Variants in FAM193A observed in about 807,000 individuals in gnomAD.
FAM193A encodes the protein protein FAM193A.
FAM193A carries 22 observed loss-of-function variants against 126.5 expected under a neutral mutation model. The observed-to-expected ratio is 0.17, with a 90% confidence interval of 0.12 to 0.25. The LOEUF (loss-of-function observed/expected upper bound fraction) is 0.25. Among genes scored for constraint, FAM193A ranks in the 10% least tolerant of loss-of-function variants. The pLI, the probability that FAM193A is intolerant of heterozygous loss-of-function variation, is 1.00. For missense variants in FAM193A, 1,675 were observed against 1,672.8 expected, an observed-to-expected ratio of 1.00 and a Z score of -0.02; for synonymous variants, 761 against 646.8, an observed-to-expected ratio of 1.18 and a Z score of -2.68.
intron 20 of FAM193A, among the ~76,000 whole-genome samples, chr4:2,721,661 G>A (rs1720171076): frequency 6.6e-6 from 1 of 152,218 alleles, no homozygotes; most frequent in Admixed American, 6.5e-5. Context: ...GGAGGAAGGT[G>A]TGAAGCGACG....
At chr4:2,578,700 C>T (rs953768449) in intron 1 of FAM193A, among the ~76,000 whole-genome samples, 1 of 152,128 alleles carries the variant, frequency 6.6e-6, no homozygotes, top group East Asian at 1.9e-4. Flanking sequence ...CTTACCAATA[C>T]TATAAACATT....
intron 20 of FAM193A, among the ~76,000 whole-genome samples, chr4:2,727,948 A>AT (rs1446805112): frequency 6.6e-5 from 10 of 151,502 alleles, no homozygotes; most frequent in African/African-American, 2.4e-4. Context: ...AAATTATTTT[A>AT]TTTATTTTTT....
intron 3 of FAM193A, among the ~76,000 whole-genome samples, chr4:2,626,004 A>C (rs756134183): frequency 1.3e-5 from 2 of 152,114 alleles, no homozygotes; most frequent in African/African-American, 2.4e-5. Context: ...GATTACAGGC[A>C]TGAGCCACCA....
chr4:2,676,895 C>A (rs1714472862), intron 13 of FAM193A, among the ~76,000 whole-genome samples: 1 of 151,926 alleles, frequency 6.6e-6, no homozygotes, highest in African/African-American at 2.4e-5. Flanking sequence ...GAGCCGAGAT[C>A]ACGTCACTGC....
intron 19 of FAM193A, among the ~76,000 whole-genome samples, chr4:2,714,275 G>A (rs1031328048): frequency 1.3e-5 from 2 of 152,028 alleles, no homozygotes; most frequent in African/African-American, 4.8e-5. Context: ...TTTAAAAATC[G>A]AGACTCAGAA....
chr4:2,667,600 A>C (rs963814479), intron 12 of FAM193A, among the ~76,000 whole-genome samples: 3 of 152,146 alleles, frequency 2.0e-5, no homozygotes, highest in African/African-American at 7.2e-5. Flanking sequence ...TTTATTTGTT[A>C]GTATAGCCAC....
At chr4:2,727,107 A>T (rs1247335327) in intron 20 of FAM193A, among the ~76,000 whole-genome samples, 2 of 151,772 alleles carry the variant, frequency 1.3e-5, no homozygotes, top group African/African-American at 4.8e-5. Context: ...AAAAGTACAA[A>T]AATTAGCTGG....
intron 6 of FAM193A, among the ~76,000 whole-genome samples, chr4:2,642,731 T>C (rs1243127157): frequency 1.4e-5 from 2 of 146,936 alleles, no homozygotes; most frequent in East Asian, 3.9e-4. Context: ...AAAACTCCCA[T>C]CTTTTTTTTT....
chr4:2,627,594 T>TTTTTCTTC (rs1560494822), intron 4 of FAM193A, among the ~76,000 whole-genome samples: 10 of 148,470 alleles, frequency 6.7e-5, no homozygotes, highest in African/African-American at 1.7e-4. Flanking sequence ...TTTTTTTTTT[T>TTTTTCTTC]TCAGATGGAG....
At position 2,662,918 on chromosome 4, in the gene FAM193A, A is replaced by G. The variant is rs1712639996; in HGVS notation, c.1826A>G (p.Glu609Gly). The change falls in exon 11 of 21, where the codon GAG (glutamate) becomes GGG (glycine). Residue 609 changes from glutamate (E) to glycine (G), a missense_variant. Glu to Gly is a moderately conservative substitution (Grantham distance 98). Transcript: ENST00000637812. The stretch of plus-strand genomic sequence containing the variant: ...CCATTGAGTAATTATGATGATACCG[A>G]GGTGGTGGCCAACATGAATGGAATC... ...IYPLSNYDDT[E>G]VVANMNGIHS... 6.2e-7 allele frequency: 1 copy of G among 1,613,698 alleles called. No individual in the cohort carries two copies. Among genetic ancestry groups the G allele is most frequent in the Non-Finnish European group, 8.5e-7 (1 of 1,179,776 alleles).
intron 2 of FAM193A, among the ~76,000 whole-genome samples, chr4:2,607,560 A>C (rs1315983525): frequency 3.9e-5 from 6 of 152,210 alleles, no homozygotes. Context: ...CTGCTGATAC[A>C]TATTTAACAT....
At chr4:2,628,622 GT>G (rs1414306800) in intron 4 of FAM193A, among the ~76,000 whole-genome samples, 1 of 152,116 alleles carries the variant, frequency 6.6e-6, no homozygotes, top group Non-Finnish European at 1.5e-5. Flanking sequence ...GGGCAACAGA[GT>G]AAAATCCAAA....
intron 1 of FAM193A, among the ~76,000 whole-genome samples, chr4:2,553,037 A>G (rs1738038742): frequency 6.6e-6 from 1 of 151,764 alleles, no homozygotes; most frequent in Admixed American, 6.6e-5. Flanking sequence ...TAGTGGAGTC[A>G]GGGTTTTGCC....
intron 1 of FAM193A, among the ~76,000 whole-genome samples, chr4:2,592,002 A>G (rs539825290): frequency 1.4e-4 from 22 of 152,318 alleles, no homozygotes; most frequent in Non-Finnish European, 3.1e-4. Context: ...ACATGGATAT[A>G]TATACACATT....
At chr4:2,630,527 C>T (rs1465670106) in intron 4 of FAM193A, among the ~76,000 whole-genome samples, 8 of 152,132 alleles carry the variant, frequency 5.3e-5, no homozygotes, top group East Asian at 1.9e-4. Context: ...TCCCCAGCCT[C>T]GTGTCTGAGC....
chr4:2,562,654 G>A (rs1377681426), intron 1 of FAM193A, among the ~76,000 whole-genome samples: 1 of 149,640 alleles, frequency 6.7e-6, no homozygotes, highest in East Asian at 1.9e-4. Context: ...TTTTTTAGAC[G>A]GAGTCTTGCT....
At chr4:2,573,128 G>A (rs991304141) in intron 1 of FAM193A, among the ~76,000 whole-genome samples, 6 of 151,528 alleles carry the variant, frequency 4.0e-5, no homozygotes, top group East Asian at 1.9e-4. Flanking sequence ...TTTTTTTCCC[G>A]CCTCACTCTT....
In FAM193A at chr4:2,576,432, G is replaced by T. The variant is rs184276400; in HGVS notation, c.256-19652G>T. ...ATTAACATTAGAGCGGGATGCAGTGGCATGTACCTATAGGTCCAGCTTCAG... is the reference window on the plus strand; with the variant it reads ...ATTAACATTAGAGCGGGATGCAGTGTCATGTACCTATAGGTCCAGCTTCAG... On this transcript the variant is annotated intron_variant, in intron 1 of 20. Coordinates refer to ENST00000637812, the MANE Select transcript of FAM193A (RefSeq NM_001366318.2). 2.0e-5 allele frequency among the ~76,000 whole-genome samples: 3 copies of T among 152,300 alleles called. No homozygotes were observed. In the East Asian group the frequency reaches 5.8e-4, roughly 29 times the overall value.
At chr4:2,695,202 AC>A (rs1716896980) in intron 17 of FAM193A, 73 bp downstream of exon 17, 5 of 1,341,224 alleles carry the variant, frequency 3.7e-6, no homozygotes, top group Non-Finnish European at 5.0e-6. Context: ...GAAATTCTGT[AC>A]TAGGTTGAAT....
Sources: allele counts gnomAD v4.1 joint callset (sites outside exome capture counted in the v4.1 genomes callset), GRCh38; gene constraint gnomAD v4.1.1; transcripts MANE v1.5; gene names NCBI Gene and HGNC (gene_info 2026-07-23, HGNC 2026-07-21).